The following PPP2R5D variants were observed in gnomAD, a reference collection of about 807,000 sequenced individuals.
The protein encoded by PPP2R5D is protein phosphatase 2 regulatory subunit B'delta.
Under a neutral mutation model 79.1 loss-of-function variants are expected in PPP2R5D, and 12 were observed. The ratio of observed to expected loss-of-function variants is 0.15; its 90% CI spans 0.10 to 0.25. PPP2R5D has a LOEUF of 0.25. Among genes scored for constraint, PPP2R5D ranks in the 10% least tolerant of loss-of-function variants. PPP2R5D has a pLI of 1.00. For missense variants in PPP2R5D, 419 were observed against 760.2 expected, an observed-to-expected ratio of 0.55 and a Z score of 5.28; for synonymous variants, 277 against 286.6, an observed-to-expected ratio of 0.97 and a Z score of 0.34.
chr6:42,996,058 A>G (rs1191495074), intron 2 of PPP2R5D, among the ~76,000 whole-genome samples: 1 of 130,946 alleles, frequency 7.6e-6, no homozygotes, highest in African/African-American at 2.9e-5. Context: ...GTTGGCCAGG[A>G]TGGTCTCGAT....
In PPP2R5D at chr6:43,011,769, C is replaced by A. The variant is rs560993404; in HGVS notation, c.*483C>A. Reference sequence around the variant, plus strand: ...GAGTAGCTGAAGGGAAGCCAACCCCCCTGCAGCACAAATAGGCCCCCCAGT... The same window carrying A: ...GAGTAGCTGAAGGGAAGCCAACCCCACTGCAGCACAAATAGGCCCCCCAGT... On this transcript the variant is annotated 3_prime_UTR_variant, in exon 16 of 16. Coordinates refer to ENST00000485511, the MANE Select transcript of PPP2R5D (RefSeq NM_006245.4). The A allele has an allele frequency of 1.8e-3, 312 of 169,452 alleles. 1 individual carries two copies. The highest frequency in any genetic ancestry group is 5.7e-3 in the Admixed American group (101 of 17,708). 10.5% of individuals were successfully genotyped at this position (169,452 alleles called of 1,614,324 possible).
intron 2 of PPP2R5D, among the ~76,000 whole-genome samples, chr6:42,996,224 G>C (rs111306963): frequency 0.098 from 14,632 of 149,654 alleles, 1,173 homozygotes; most frequent in African/African-American, 0.19. Context: ...AGCACTTTGG[G>C]AGGCCGAGGC....
chr6:42,984,652 G>A lies in PPP2R5D; in HGVS notation c.-26G>A. On this transcript the variant is annotated 5_prime_UTR_variant, in exon 1 of 16. Transcript: ENST00000485511. ...CCGGAGCCGGAGCGGGGCCGCAGGA[G>A]ACGGGCCGGGTCCGGACGGGCCGAG... The A allele has an allele frequency of 6.3e-7, 1 of 1,593,558 alleles. No individual in the cohort carries two copies. The highest frequency in any genetic ancestry group is 8.5e-7 in the Non-Finnish European group (1 of 1,171,608).
rs182881041 is a variant in PPP2R5D at position 42,997,425 on chromosome 6, C to T, written c.105+7737C>T. ...CAGGCTTGTCTTGAACTCCTGACCT[C>T]AGGTGATCTGCCCACCTCAGCCTCC... On this transcript the variant is annotated intron_variant, in intron 2 of 15. Coordinates refer to ENST00000485511, the MANE Select transcript of PPP2R5D (RefSeq NM_006245.4). Among the ~76,000 whole-genome samples the T allele has an allele frequency of 4.0e-3, 610 of 152,292 alleles. 5 individuals carry two copies. The highest frequency in any genetic ancestry group is 0.014 in the African/African-American group (586 of 41,560).
chr6:43,008,141 C>T lies in PPP2R5D; in HGVS notation c.858-60C>T. 2 of 1,613,868 alleles carry T rather than the reference C, an allele frequency of 1.2e-6. No individual in the cohort carries two copies. Among genetic ancestry groups the T allele is most frequent in the Non-Finnish European group, 1.7e-6 (2 of 1,179,860 alleles). ...GGGTGGGAGCAGGGAGGTGGGGGGA[C>T]TGTACAGAATGCTGGAGGGACATCA... On this transcript the variant is annotated intron_variant, in intron 7 of 15. Transcript: ENST00000485511. This position sits in a 1 kb window ranked among gnomAD's most constrained non-coding sequence, Gnocchi z 4.2.
Position 42,989,619 on chromosome 6 carries a change from C to T in PPP2R5D, c.36C>T (p.Pro12=). 6.2e-7 allele frequency: 1 copy of T among 1,613,510 alleles called. No individual in the cohort carries two copies. The highest frequency in any genetic ancestry group is 8.5e-7 in the Non-Finnish European group (1 of 1,179,576). Residue 12 remains proline, a synonymous_variant, in exon 2 of 16, where the codon CCC becomes CCT. Transcript: ENST00000485511. The part of the protein sequence containing the change: ...PYKLKKEKEP[P]KVAKCTAKPS... ...TCATCTTTTCCTTTCAGGAGCCCCC[C>T]AAGGTTGCCAAATGCACAGCCAAGC...
At chr6:42,998,063 T>A (rs1168356544) in intron 2 of PPP2R5D, among the ~76,000 whole-genome samples, 77 of 29,460 alleles carry the variant, frequency 2.6e-3, no homozygotes, top group African/African-American at 4.1e-3. Flanking sequence ...ATATATTTTT[T>A]TTTTTTTTTT....
chr6:42,996,260 T>C (rs555095081), intron 2 of PPP2R5D, among the ~76,000 whole-genome samples: 47 of 149,780 alleles, frequency 3.1e-4, no homozygotes, highest in African/African-American at 9.8e-4. Context: ...GTCAGGAGAT[T>C]GAGACCATCC....
In PPP2R5D at chr6:43,008,505, A is replaced by G; in HGVS notation, c.1026+30A>G. On this transcript the variant is annotated intron_variant, in intron 9 of 15. Coordinates refer to ENST00000485511, the MANE Select transcript of PPP2R5D (RefSeq NM_006245.4). This position sits in a 1 kb window ranked among gnomAD's most constrained non-coding sequence, Gnocchi z 4.2. ...GCTGCCTTCCTCCTTATAATGTCCA[A>G]CTCAGGCAGCAGAGAAAAGAGCCGG... The G allele has an allele frequency of 6.4e-7, 1 of 1,571,286 alleles. No homozygotes were observed. Among genetic ancestry groups the G allele is most frequent in the Non-Finnish European group, 8.8e-7 (1 of 1,141,534 alleles).
At position 43,011,143 on chromosome 6, in the gene PPP2R5D, A is replaced by G. The variant is rs545291281; in HGVS notation, c.1672-6A>G. ...CATTCCTCACCTTGTCCCTATTCAC[A>G]CACAGATGCTAAAAGACATCAAGAA... On this transcript the variant is annotated splice_polypyrimidine_tract_variant and splice_region_variant and intron_variant, in intron 15 of 15. Transcript: ENST00000485511. 1 of 1,614,150 alleles carries G rather than the reference A, an allele frequency of 6.2e-7. No homozygotes were observed. The highest frequency in any genetic ancestry group is 8.5e-7 in the Non-Finnish European group (1 of 1,179,994).
In PPP2R5D at chr6:43,008,744, C is replaced by A. The variant is rs558249305; in HGVS notation, c.1078C>A (p.Pro360Thr). ...GGAGAAGGAGAGCAGTCTGACTGAGCCGGTAATTCCCCTTCCGGGCCCCAA... is the reference window on the plus strand; with the variant it reads ...GGAGAAGGAGAGCAGTCTGACTGAGACGGTAATTCCCCTTCCGGGCCCCAA... Reference protein sequence around the residue: ...FLEKESSLTEPVIVGLLKFWP... With the variant: ...FLEKESSLTETVIVGLLKFWP... The change falls in exon 10 of 16, where the codon CCG (proline) becomes ACG (threonine). Residue 360 changes from proline to threonine, a missense_variant and splice_region_variant. Pro to Thr is a conservative substitution (Grantham distance 38). This residue lies in a region of PPP2R5D where 196 missense variants were observed against 424.5 expected (regional missense o/e 0.46). Coordinates refer to ENST00000485511, the MANE Select transcript of PPP2R5D (RefSeq NM_006245.4). This position sits in a 1 kb window ranked among gnomAD's most constrained non-coding sequence, Gnocchi z 4.2. The A allele has an allele frequency of 6.2e-7, 1 of 1,613,892 alleles. No individual in the cohort carries two copies. The highest frequency in any genetic ancestry group is 1.1e-5 in the South Asian group (1 of 91,064).
At position 42,990,887 on chromosome 6, in the gene PPP2R5D, T is replaced by C. The variant is rs562072021; in HGVS notation, c.105+1199T>C. Reference sequence around the variant, plus strand: ...ACCATGCTTGGCTAATTTTTTTGTATTTTTAGTAGAGACGGTGTTTCACCA... The same window carrying C: ...ACCATGCTTGGCTAATTTTTTTGTACTTTTAGTAGAGACGGTGTTTCACCA... On this transcript the variant is annotated intron_variant, in intron 2 of 15. Transcript: ENST00000485511. Among the ~76,000 whole-genome samples, 300 of 152,068 alleles carry C rather than the reference T, an allele frequency of 2.0e-3. 1 individual carries two copies. Among genetic ancestry groups the C allele is most frequent in the Non-Finnish European group, 3.4e-3 (231 of 67,974 alleles).
intron 2 of PPP2R5D, among the ~76,000 whole-genome samples, chr6:42,998,410 G>A (rs1771943576): frequency 6.6e-6 from 1 of 151,978 alleles, no homozygotes. Context: ...TTCGGAATAG[G>A]CTGGACCAGG....
intron 2 of PPP2R5D, among the ~76,000 whole-genome samples, chr6:43,005,251 G>A (rs1325864970): frequency 6.7e-6 from 1 of 149,568 alleles, no homozygotes; most frequent in Non-Finnish European, 1.5e-5. Flanking sequence ...CCTAAGACAT[G>A]GGAATGAATT....
chr6:43,001,000 A>C (rs1444273716), intron 2 of PPP2R5D, among the ~76,000 whole-genome samples: 4 of 152,216 alleles, frequency 2.6e-5, no homozygotes, highest in Non-Finnish European at 5.9e-5. Context: ...CTAGGGGGTG[A>C]GCAGTCACAG....
chr6:43,000,758 C>CTAAT (rs1772126293), intron 2 of PPP2R5D, among the ~76,000 whole-genome samples: 1 of 152,154 alleles, frequency 6.6e-6, no homozygotes, highest in African/African-American at 2.4e-5. Context: ...GCTGTATAGC[C>CTAAT]CCCTGTTCTG....
rs996647774 is a variant in PPP2R5D, at chr6:43,008,931, C to T, written c.1081-126C>T. ...AGGAAACAGATCCAAGGCAAAGAAA[C>T]GGGTAGCTGGCTGAGATCACCCAAA... On this transcript the variant is annotated intron_variant, in intron 10 of 15. Coordinates refer to ENST00000485511, the MANE Select transcript of PPP2R5D (RefSeq NM_006245.4). This position sits in a 1 kb window ranked among gnomAD's most constrained non-coding sequence, Gnocchi z 4.2. The T allele has an allele frequency of 1.7e-5, 22 of 1,299,006 alleles. No homozygotes were observed. The African/African-American group carries it at 2.2e-4, about 13-fold the overall frequency. The allele number at this position is 1,299,006 out of a possible 1,614,324, so 80.5% of individuals were successfully genotyped here.
chr6:43,007,792 T>A lies in PPP2R5D; in HGVS notation c.727-143T>A. 1 of 1,068,832 alleles carries A rather than the reference T, an allele frequency of 9.4e-7. No homozygotes were observed. Among genetic ancestry groups the A allele is most frequent in the Non-Finnish European group, 1.4e-6 (1 of 722,058 alleles). 66.2% of individuals were successfully genotyped at this position (1,068,832 alleles called of 1,614,324 possible). On this transcript the variant is annotated intron_variant, in intron 6 of 15. Coordinates refer to ENST00000485511, the MANE Select transcript of PPP2R5D (RefSeq NM_006245.4). This position sits in a 1 kb window ranked among gnomAD's most constrained non-coding sequence, Gnocchi z 4.5. ...TACAAATACAATAGAATCAGCAATA[T>A]AATAGAATCACTGCTTTCTAAGACT...
Position 43,011,436 on chromosome 6 carries a change from G to A in PPP2R5D, c.*150G>A. 4 of 1,061,364 alleles carry A rather than the reference G, an allele frequency of 3.8e-6. No homozygotes were observed. Among genetic ancestry groups the A allele is most frequent in the Non-Finnish European group, 5.4e-6 (4 of 747,170 alleles). 65.7% of individuals were successfully genotyped at this position (1,061,364 alleles called of 1,614,324 possible). On this transcript the variant is annotated 3_prime_UTR_variant, in exon 16 of 16. Transcript: ENST00000485511. Reference sequence around the variant, plus strand: ...GGGGGATGTGGGCACTTGAAGCAGGGACACCCACAGAATGGTCCCTCTTCT... The same window carrying A: ...GGGGGATGTGGGCACTTGAAGCAGGAACACCCACAGAATGGTCCCTCTTCT...
Sources: gnomAD v4.1 joint callset for allele counts (sites outside exome capture counted in the v4.1 genomes callset) on GRCh38, gnomAD v4.1.1 for gene constraint, gnomAD v4.1.1 regional missense constraint, Gnocchi (gnomAD v3.1) non-coding constraint, MANE v1.5 for transcripts, NCBI Gene and HGNC (gene_info 2026-07-23, HGNC 2026-07-21) for gene names.